The following NFATC1 variants were observed in gnomAD, a reference collection of about 807,000 sequenced individuals.
The protein encoded by NFATC1 is nuclear factor of activated T-cells, cytoplasmic 1.
NFATC1 carries 22 observed loss-of-function variants against 76.0 expected under a neutral mutation model. The observed-to-expected ratio is 0.29, with a 90% CI of 0.21 to 0.41. The LOEUF (loss-of-function observed/expected upper bound fraction) is 0.41. NFATC1 is among the 10% of genes least tolerant of loss of function. NFATC1 has a pLI of 1.00. For missense variants in NFATC1, 1,357 were observed against 1,337.7 expected (o/e 1.01, Z -0.23); for synonymous variants, 704 against 613.1 (o/e 1.15, Z -2.19).
chr18:79,482,276 A>T (rs2089305084), intron 8 of NFATC1, among the ~76,000 whole-genome samples: 1 of 130,698 alleles, frequency 7.7e-6, no homozygotes, highest in Non-Finnish European at 1.6e-5. Context: ...GTGTAATTCC[A>T]GTGTGACCTG....
At chr18:79,456,786 C>CG (rs1047049853) in intron 6 of NFATC1, among the ~76,000 whole-genome samples, 1 of 152,084 alleles carries the variant, frequency 6.6e-6, no homozygotes, top group Admixed American at 6.5e-5. Context: ...GAGATGGACC[C>CG]GGGGGATGGC....
At chr18:79,401,410 C>T (rs1260557253) in intron 1 of NFATC1, among the ~76,000 whole-genome samples, 2 of 152,218 alleles carry the variant, frequency 1.3e-5, no homozygotes, top group Non-Finnish European at 2.9e-5. Flanking sequence ...CCAACCAAAC[C>T]TGTGCTGCCT....
intron 2 of NFATC1, among the ~76,000 whole-genome samples, chr18:79,412,883 C>T (rs2148199080): frequency 6.6e-6 from 1 of 152,324 alleles, no homozygotes; most frequent in South Asian, 2.1e-4. Flanking sequence ...CTTTCTATCC[C>T]AACTTCTGTT....
intron 8 of NFATC1, among the ~76,000 whole-genome samples, chr18:79,475,810 T>C (rs1429445804): frequency 6.6e-6 from 1 of 152,216 alleles, no homozygotes; most frequent in Non-Finnish European, 1.5e-5. Flanking sequence ...ACGCCAGGCA[T>C]CCTAGCCACC....
rs1157321010 is a variant in NFATC1 at position 79,483,180 on chromosome 18, T to C, written c.2093-3068T>C. The stretch of plus-strand genomic sequence containing the variant: ...TTCCAGCGTGACCTGGTTCCTGGGG[T>C]GTAATTCCAGCGTGACCTGGTTCCT... On this transcript the variant is annotated intron_variant, in intron 8 of 9. Transcript: ENST00000427363. Among the ~76,000 whole-genome samples the C allele has an allele frequency of 8.3e-4, 76 of 92,006 alleles. 1 individual carries two copies. The highest frequency in any genetic ancestry group is 2.5e-3 in the African/African-American group (54 of 21,238). 60.4% of individuals were successfully genotyped at this position (92,006 alleles called of 152,430 possible). A position where few individuals can be genotyped will look rare whatever the true frequency, so the allele number is the denominator to read the frequency against.
intron 2 of NFATC1, among the ~76,000 whole-genome samples, chr18:79,418,046 G>A (rs1420310764): frequency 1.3e-5 from 2 of 152,076 alleles, no homozygotes; most frequent in African/African-American, 4.8e-5. Flanking sequence ...GTTTCATTGC[G>A]ATGTTGGAAT....
rs115887000 is a variant in NFATC1 at position 79,512,789 on chromosome 18, C to T, written c.2783-14739C>T. Among the ~76,000 whole-genome samples the T allele has an allele frequency of 4.3e-3, 659 of 152,328 alleles. 4 individuals are homozygous for T. Among genetic ancestry groups the T allele is most frequent in the African/African-American group, 0.015 (629 of 41,578 alleles). On this transcript the variant is annotated intron_variant, in intron 9 of 9. Transcript: ENST00000427363. Reference sequence around the variant, plus strand: ...TCTCATCCCACTCGAGCTCTCAGCCCCTGTATGTGTCAGGGAGGTCCTGAG... The same window carrying T: ...TCTCATCCCACTCGAGCTCTCAGCCTCTGTATGTGTCAGGGAGGTCCTGAG...
intron 9 of NFATC1, among the ~76,000 whole-genome samples, chr18:79,491,605 T>C (rs1024599829): frequency 2.0e-5 from 3 of 152,122 alleles, no homozygotes; most frequent in African/African-American, 7.2e-5. Context: ...AGGACGTGGG[T>C]ATGGCAGGTG....
chr18:79,484,597 G>A (rs2089441519), intron 8 of NFATC1, among the ~76,000 whole-genome samples: 1 of 152,218 alleles, frequency 6.6e-6, no homozygotes, highest in South Asian at 2.1e-4. Context: ...GTGGATGATA[G>A]AAAGATTTGA....
At chr18:79,505,817 G>A (rs1287638969) in intron 9 of NFATC1, among the ~76,000 whole-genome samples, 1 of 138,020 alleles carries the variant, frequency 7.2e-6, no homozygotes, top group African/African-American at 3.1e-5. Flanking sequence ...AGGTGGTGCT[G>A]GAGGCCCTTG....
intron 9 of NFATC1, among the ~76,000 whole-genome samples, chr18:79,499,657 GAC>G (rs2089973036): frequency 6.6e-6 from 1 of 152,128 alleles, no homozygotes; most frequent in Non-Finnish European, 1.5e-5. Flanking sequence ...TAGATTTAAA[GAC>G]ACAAATAGGT....
At chr18:79,512,596 T>C (rs572571501) in intron 9 of NFATC1, among the ~76,000 whole-genome samples, 9 of 152,214 alleles carry the variant, frequency 5.9e-5, no homozygotes, top group African/African-American at 2.2e-4. Context: ...GGCGGGCCCC[T>C]TGTGCTTCCC....
chr18:79,471,678 G>A (rs1372775888), intron 8 of NFATC1, among the ~76,000 whole-genome samples: 3 of 152,176 alleles, frequency 2.0e-5, no homozygotes, highest in African/African-American at 7.2e-5. Context: ...CCTTCCTCAG[G>A]GGACACGCGG....
At chr18:79,427,740 T>G (rs1483950582) in intron 2 of NFATC1, among the ~76,000 whole-genome samples, 1 of 48,402 alleles carries the variant, frequency 2.1e-5, no homozygotes, top group Non-Finnish European at 3.6e-5. Context: ...CTGGCCTCTG[T>G]GCAGTGGGTG....
chr18:79,502,802 T>C (rs948304830), intron 9 of NFATC1, among the ~76,000 whole-genome samples: 1 of 152,192 alleles, frequency 6.6e-6, no homozygotes. Flanking sequence ...CAAGTGGCTT[T>C]AGGAGATAAG....
intron 9 of NFATC1, among the ~76,000 whole-genome samples, chr18:79,490,317 T>A (rs1249033244): frequency 1.4e-5 from 2 of 145,520 alleles, no homozygotes; most frequent in Non-Finnish European, 3.0e-5. Context: ...GACAGGGTGG[T>A]CCCTGGTGCA....
chr18:79,440,266 C>T (rs931264746), intron 3 of NFATC1, among the ~76,000 whole-genome samples: 5 of 152,234 alleles, frequency 3.3e-5, no homozygotes, highest in Non-Finnish European at 5.9e-5. Flanking sequence ...TTGCTAGTGA[C>T]CTCTCCTAAT....
intron 9 of NFATC1, chr18:79,497,328 C>A (rs1263975293): frequency 1.3e-5 from 2 of 151,992 alleles, no homozygotes; most frequent in Non-Finnish European, 2.9e-5. Flanking sequence ...AAGAGCGGCC[C>A]CAGGGGGAAG....
intron 1 of NFATC1, among the ~76,000 whole-genome samples, chr18:79,409,729 A>G (rs562882034): frequency 1.3e-5 from 2 of 152,210 alleles, no homozygotes; most frequent in Non-Finnish European, 2.9e-5. Flanking sequence ...CCATCCATTA[A>G]ACAAATTGAA....
Sources: gnomAD v4.1 joint callset for allele counts (sites outside exome capture counted in the v4.1 genomes callset) on GRCh38, gnomAD v4.1.1 for gene constraint, MANE v1.5 for transcripts, NCBI Gene and HGNC (gene_info 2026-07-23, HGNC 2026-07-21) for gene names.